The following TFDP2 variants were observed in gnomAD, a reference collection of about 807,000 sequenced individuals.
TFDP2 encodes the protein transcription factor Dp-2 (E2F dimerization partner 2).
TFDP2 carries 17 observed loss-of-function variants against 59.3 expected under a neutral mutation model. The ratio of observed to expected loss-of-function variants is 0.29; its 90% confidence interval spans 0.20 to 0.43. The LOEUF (loss-of-function observed/expected upper bound fraction) is 0.43. TFDP2 is among the 20% of genes least tolerant of loss of function. The probability of loss-of-function intolerance (pLI) is 1.00; values close to 1 mark genes in which losing one functional copy is unlikely to be tolerated. For missense variants in TFDP2, 391 were observed against 528.8 expected, an observed-to-expected ratio of 0.74 and a Z score of 2.56; for synonymous variants, 180 against 194.7, an observed-to-expected ratio of 0.92 and a Z score of 0.63.
intron 1 of TFDP2, among the ~76,000 whole-genome samples, chr3:142,143,180 G>A: frequency 6.6e-6 from 1 of 152,060 alleles, no homozygotes; most frequent in Non-Finnish European, 1.5e-5. Context: ...AGGTTGCAGT[G>A]AGCTGGTATC....
chr3:142,091,934 T>C (rs1281715734), intron 3 of TFDP2, among the ~76,000 whole-genome samples: 1 of 152,194 alleles, frequency 6.6e-6, no homozygotes, highest in Non-Finnish European at 1.5e-5. Flanking sequence ...GGACCTCTGC[T>C]CTAGAGTACG....
chr3:141,978,431 T>C (rs958976303), intron 7 of TFDP2, 89 bp downstream of exon 7: 5 of 1,294,854 alleles, frequency 3.9e-6, no homozygotes, highest in Non-Finnish European at 5.2e-6. Context: ...CCCTCAAGTA[T>C]AGTCGTGATT....
At position 142,149,214 on chromosome 3, in the gene TFDP2, G is replaced by A. The variant is rs1348391237; in HGVS notation, c.-124C>T. ...CGGCTGCAGAAGAACTGGCGGCCAA[G>A]CGAGGCTGTCGGGCCGAGCCAGGAG... On this transcript the variant is annotated 5_prime_UTR_variant, in exon 1 of 13. Coordinates refer to ENST00000489671, the MANE Select transcript of TFDP2 (RefSeq NM_001178139.2). The A allele has an allele frequency of 5.0e-6, 2 of 397,666 alleles. No homozygotes were observed. The highest frequency in any genetic ancestry group is 2.1e-5 in the African/African-American group (1 of 48,580). The allele number at this position is 397,666 out of a possible 1,614,324, so 24.6% of individuals were successfully genotyped here.
At chr3:142,002,317 G>GT (rs750047190) in intron 4 of TFDP2, among the ~76,000 whole-genome samples, 21,013 of 106,678 alleles carry the variant, frequency 0.2, 3,587 homozygotes, top group African/African-American at 0.45. Flanking sequence ...TATTTTTAGT[G>GT]TTTTTTTTTT....
chr3:142,033,476 T>C (rs1357940010), intron 3 of TFDP2, among the ~76,000 whole-genome samples: 4 of 152,128 alleles, frequency 2.6e-5, no homozygotes, highest in Admixed American at 2.0e-4. Flanking sequence ...CTATGCATGC[T>C]TTATCACAAC....
chr3:142,065,244 G>A (rs1024943907), intron 3 of TFDP2, among the ~76,000 whole-genome samples: 8 of 151,906 alleles, frequency 5.3e-5, no homozygotes, highest in Non-Finnish European at 1.0e-4. Context: ...CTGCCTCCCA[G>A]GCTCAAGCAA....
At chr3:142,093,425 T>C (rs2061060689) in intron 2 of TFDP2, among the ~76,000 whole-genome samples, 1 of 151,370 alleles carries the variant, frequency 6.6e-6, no homozygotes, top group South Asian at 2.1e-4. Context: ...CACTCCAGCC[T>C]GGATGACAGA....
chr3:142,119,299 A>AG (rs1479862821), intron 1 of TFDP2, among the ~76,000 whole-genome samples: 1 of 152,244 alleles, frequency 6.6e-6, no homozygotes, highest in Non-Finnish European at 1.5e-5. Flanking sequence ...AATTATTTAA[A>AG]GAAAAAACTC....
At chr3:141,989,409 A>G (rs1942498925) in intron 6 of TFDP2, 1 of 152,256 alleles carries the variant, frequency 6.6e-6, no homozygotes, top group Admixed American at 6.5e-5. Flanking sequence ...CTTCCCACAA[A>G]TACAAATGCC....
chr3:142,059,241 A>G (rs2059838203), intron 3 of TFDP2, among the ~76,000 whole-genome samples: 1 of 152,156 alleles, frequency 6.6e-6, no homozygotes, highest in African/African-American at 2.4e-5. Context: ...AGCCTCATGC[A>G]TTTGCTTGTG....
At chr3:141,955,514 C>T (rs1273129044) in intron 11 of TFDP2, among the ~76,000 whole-genome samples, 1 of 151,964 alleles carries the variant, frequency 6.6e-6, no homozygotes, top group South Asian at 2.1e-4. Flanking sequence ...GGTGGGGAGA[C>T]GGAACAGGTG....
intron 3 of TFDP2, among the ~76,000 whole-genome samples, chr3:142,038,160 G>A (rs977764742): frequency 1.2e-4 from 19 of 152,120 alleles, no homozygotes; most frequent in African/African-American, 4.3e-4. Flanking sequence ...CGAAGCAGGT[G>A]GATCATGAGG....
rs1560009642 is a variant in TFDP2, at chr3:142,001,989, G to GT, written c.186+3451_186+3452insA. ...TGAGTGGCTAGGTGCCACCATGCCT[G>GT]GTTTTTTTTTTTTTTTTTTGTCTGA... is the stretch of plus-strand genomic sequence containing the variant. On this transcript the variant is annotated intron_variant, in intron 4 of 12. Coordinates refer to ENST00000489671, the MANE Select transcript of TFDP2 (RefSeq NM_001178139.2). Among the ~76,000 whole-genome samples the GT allele has an allele frequency of 2.2e-5, 3 of 137,692 alleles. 1 individual carries two copies. Among genetic ancestry groups the GT allele is most frequent in the South Asian group, 2.1e-4 (1 of 4,688 alleles). 90.3% of individuals were successfully genotyped at this position (137,692 alleles called of 152,430 possible).
intron 1 of TFDP2, among the ~76,000 whole-genome samples, chr3:142,107,448 G>A (rs1270597930): frequency 6.6e-6 from 1 of 151,830 alleles, no homozygotes. Flanking sequence ...TGGCCACGCT[G>A]GTCTTGAACT....
At chr3:142,088,318 CTTTTT>C (rs139103121) in intron 3 of TFDP2, among the ~76,000 whole-genome samples, 2 of 149,444 alleles carry the variant, frequency 1.3e-5, no homozygotes, top group Non-Finnish European at 3.0e-5. Flanking sequence ...GTCCAGCTAT[CTTTTT>C]TTTTTCTTTT....
intron 3 of TFDP2, chr3:142,043,906 C>G (rs922777415): frequency 2.1e-6 from 2 of 950,132 alleles, no homozygotes; most frequent in Non-Finnish European, 3.5e-6. Flanking sequence ...AAGCAGCCGG[C>G]GCAGAATCCA....
chr3:142,109,607 C>T (rs1424496891), intron 1 of TFDP2, among the ~76,000 whole-genome samples: 1 of 152,144 alleles, frequency 6.6e-6, no homozygotes, highest in Non-Finnish European at 1.5e-5. Context: ...GGATTACAGG[C>T]ATGAGCCACT....
At chr3:142,115,195 A>C (rs562902155) in intron 1 of TFDP2, among the ~76,000 whole-genome samples, 1 of 152,298 alleles carries the variant, frequency 6.6e-6, no homozygotes, top group South Asian at 2.1e-4. Flanking sequence ...CATTCTGGTT[A>C]TTAAAAAGTC....
intron 1 of TFDP2, 44 bp downstream of exon 1, chr3:142,149,139 A>G (rs1577091131): frequency 7.6e-6 from 3 of 397,332 alleles, no homozygotes; most frequent in African/African-American, 6.2e-5. Context: ...GCCGGGTCCA[A>G]AGGCCCTCCG....
Sources: gnomAD v4.1 joint callset for allele counts (sites outside exome capture counted in the v4.1 genomes callset) on GRCh38, gnomAD v4.1.1 for gene constraint, MANE v1.5 for transcripts, NCBI Gene and HGNC (gene_info 2026-07-23, HGNC 2026-07-21) for gene names.